CADM2: variants seen among roughly 807,000 people sequenced by gnomAD.
The protein encoded by CADM2 is cell adhesion molecule 2, also known as immunoglobulin superfamily member 4D.
In CADM2, 12 loss-of-function variants were observed where a neutral mutation model predicts 49.8. The ratio of observed to expected loss-of-function variants is 0.24; its 90% CI spans 0.15 to 0.39. The LOEUF (loss-of-function observed/expected upper bound fraction) is 0.39. Among genes scored for constraint, CADM2 ranks in the 10% least tolerant of loss-of-function variants. The pLI is 1.00. For synonymous variants in CADM2, 214 were observed against 175.4 expected, an observed-to-expected ratio of 1.22 and a Z score of -1.74; for missense variants, 378 against 492.3, an observed-to-expected ratio of 0.77 and a Z score of 2.20.
intron 1 of CADM2, among the ~76,000 whole-genome samples, chr3:84,961,637 T>TGCGC (rs911149843): frequency 2.0e-5 from 3 of 151,636 alleles, no homozygotes; most frequent in African/African-American, 4.9e-5. Flanking sequence ...TGTGTGTGTG[T>TGCGC]GCGCGCGCGC....
At chr3:85,120,632 A>G (rs2038826056) in intron 1 of CADM2, among the ~76,000 whole-genome samples, 1 of 152,150 alleles carries the variant, frequency 6.6e-6, no homozygotes, top group Non-Finnish European at 1.5e-5. Context: ...AACAGTGAGA[A>G]CACATGGACA....
intron 1 of CADM2, among the ~76,000 whole-genome samples, chr3:85,611,022 A>G (rs1463451722): frequency 1.3e-5 from 2 of 151,948 alleles, no homozygotes; most frequent in South Asian, 2.1e-4. Flanking sequence ...GTCAGACACT[A>G]CTGATCATGT....
At chr3:85,196,160 A>G (rs2041338768) in intron 1 of CADM2, among the ~76,000 whole-genome samples, 1 of 152,046 alleles carries the variant, frequency 6.6e-6, no homozygotes, top group Non-Finnish European at 1.5e-5. Flanking sequence ...TGAATTGCCA[A>G]ACTTTTTTCT....
At chr3:85,683,258 A>T (rs1359750392) in intron 1 of CADM2, among the ~76,000 whole-genome samples, 1 of 152,240 alleles carries the variant, frequency 6.6e-6, no homozygotes, top group East Asian at 1.9e-4. Context: ...TAGATTTAAT[A>T]GTTCACTATT....
intron 1 of CADM2, among the ~76,000 whole-genome samples, chr3:85,634,316 A>G (rs773036230): frequency 6.6e-6 from 1 of 152,078 alleles, no homozygotes; most frequent in Non-Finnish European, 1.5e-5. Flanking sequence ...CTTGCTTCAT[A>G]TAGGTGTATA....
At chr3:84,975,249 A>T (rs1488244974) in intron 1 of CADM2, among the ~76,000 whole-genome samples, 1 of 151,848 alleles carries the variant, frequency 6.6e-6, no homozygotes, top group Admixed American at 6.6e-5. Flanking sequence ...ACAAACAAAC[A>T]AAGTTATTTC....
chr3:85,570,459 T>C (rs1367067319), intron 1 of CADM2, among the ~76,000 whole-genome samples: 1 of 152,114 alleles, frequency 6.6e-6, no homozygotes, highest in Non-Finnish European at 1.5e-5. Context: ...GGTCCACCAA[T>C]GCAAATTGTA....
intron 1 of CADM2, among the ~76,000 whole-genome samples, chr3:85,398,665 CTGT>C (rs531858833): frequency 4.7e-4 from 71 of 152,150 alleles, no homozygotes; most frequent in Non-Finnish European, 9.3e-4. Context: ...TCTCCAGCAC[CTGT>C]TGTTTCCTGA....
intron 1 of CADM2, among the ~76,000 whole-genome samples, chr3:85,714,135 G>C (rs2067204965): frequency 1.3e-5 from 2 of 152,134 alleles, no homozygotes; most frequent in Admixed American, 6.5e-5. Flanking sequence ...AATTGAATAG[G>C]TTATTTGAAA....
chr3:85,104,839 A>G (rs542391918), intron 1 of CADM2, among the ~76,000 whole-genome samples: 85 of 148,932 alleles, frequency 5.7e-4, no homozygotes, highest in Middle Eastern at 3.4e-3. Context: ...GCAATTGTGA[A>G]TGGAGTTCAC....
chr3:85,007,509 G>C (rs1199974444), intron 1 of CADM2, among the ~76,000 whole-genome samples: 1 of 152,094 alleles, frequency 6.6e-6, no homozygotes, highest in East Asian at 1.9e-4. Flanking sequence ...GGCATACAAA[G>C]AAATTATTAA....
chr3:85,054,974 T>A (rs1249378251), intron 1 of CADM2, among the ~76,000 whole-genome samples: 1 of 151,934 alleles, frequency 6.6e-6, no homozygotes, highest in Non-Finnish European at 1.5e-5. Context: ...AGTTGTGGCC[T>A]TATAAATAGA....
intron 1 of CADM2, among the ~76,000 whole-genome samples, chr3:85,152,002 A>G (rs2039936884): frequency 6.6e-6 from 1 of 152,192 alleles, no homozygotes; most frequent in Non-Finnish European, 1.5e-5. Context: ...TCAAATATCA[A>G]TTGATGATAG....
intron 8 of CADM2, among the ~76,000 whole-genome samples, chr3:86,033,018 A>C (rs980474166): frequency 6.6e-6 from 1 of 151,870 alleles, no homozygotes; most frequent in Non-Finnish European, 1.5e-5. Flanking sequence ...TTCATTGAAC[A>C]ATCAAAACCT....
At chr3:85,905,821 A>G (rs183610365) in intron 5 of CADM2, among the ~76,000 whole-genome samples, 230 of 152,288 alleles carry the variant, frequency 1.5e-3, no homozygotes, top group Non-Finnish European at 2.5e-3. Flanking sequence ...TTGAAAAATT[A>G]TTGTAAAAAC....
In CADM2 at chr3:85,802,099, A is replaced by T. The variant is rs1358017729; in HGVS notation, c.141A>T (p.Gly47=). 1.9e-6 allele frequency: 3 copies of T among 1,613,294 alleles called. No individual in the cohort carries two copies. Among genetic ancestry groups the T allele is most frequent in the Non-Finnish European group, 2.5e-6 (3 of 1,179,508 alleles). The change falls in exon 3 of 10, where the codon GGA becomes GGT. Residue 47 remains glycine, a synonymous_variant. Transcript: ENST00000383699. The stretch of plus-strand genomic sequence containing the variant: ...AGAATGTAACCGTTGTTGAAGGTGG[A>T]ACTGCAATTTTGACCTGCAGGGTTG... ...LTQNVTVVEG[G]TAILTCRVDQ... is the part of the protein sequence containing the mutation.
chr3:85,532,083 A>G (rs922250000), intron 1 of CADM2, among the ~76,000 whole-genome samples: 2 of 152,188 alleles, frequency 1.3e-5, no homozygotes, highest in Non-Finnish European at 2.9e-5. Flanking sequence ...AGGCTGAGGC[A>G]GGAGAATGGC....
intron 8 of CADM2, among the ~76,000 whole-genome samples, chr3:86,009,030 T>G (rs1432169008): frequency 6.6e-6 from 1 of 150,498 alleles, no homozygotes; most frequent in Non-Finnish European, 1.5e-5. Context: ...TAGTATTGAC[T>G]GCATACTGAA....
chr3:85,142,998 T>G (rs995989947), intron 1 of CADM2, among the ~76,000 whole-genome samples: 8 of 152,222 alleles, frequency 5.3e-5, no homozygotes, highest in African/African-American at 1.9e-4. Context: ...TTGCAAATTT[T>G]CTTAGCAAAT....
Sources: allele counts gnomAD v4.1 joint callset (sites outside exome capture counted in the v4.1 genomes callset), GRCh38; gene constraint gnomAD v4.1.1; transcripts MANE v1.5; gene names NCBI Gene and HGNC (gene_info 2026-07-23, HGNC 2026-07-21).